Variants in PGR observed in about 807,000 individuals in gnomAD.
PGR encodes progesterone receptor, also known as nuclear receptor subfamily 3 group C member 3.
A neutral mutation model predicts 76.1 loss-of-function variants in PGR; 25 were observed. The ratio of observed to expected loss-of-function variants is 0.33; its 90% CI spans 0.24 to 0.46. PGR has a LOEUF of 0.46. Ranked by LOEUF, PGR falls within the 20% of genes least tolerant of loss-of-function variation. PGR has a pLI of 1.00. For missense variants in PGR, 1,172 were observed against 1,225.3 expected, an observed-to-expected ratio of 0.96 and a Z score of 0.65; for synonymous variants, 579 against 535.0, an observed-to-expected ratio of 1.08 and a Z score of -1.14.
intron 1 of PGR, 86 bp from the exon 2 acceptor site, chr11:101,126,244 G>T (rs755049769): frequency 1.6e-6 from 2 of 1,283,270 alleles, no homozygotes; most frequent in Non-Finnish European, 2.2e-6. Context: ...TATTAACAGG[G>T]TGAAAGGAGA....
rs1024003081 is a variant in PGR at position 101,037,673 on chromosome 11, G to A, written c.*1443C>T. On this transcript the variant is annotated 3_prime_UTR_variant, in exon 8 of 8. Coordinates refer to ENST00000325455, the MANE Select transcript of PGR (RefSeq NM_000926.4). ...TCAGTAAAGGGAGAGATCTCACAAA[G>A]TAGGAAGCAAAGGTGGAAAATTTAA... is the stretch of plus-strand genomic sequence containing the variant. 24 of 225,882 alleles carry A rather than the reference G, an allele frequency of 1.1e-4. 1 individual carries two copies. The highest frequency in any genetic ancestry group is 8.8e-6 in the Non-Finnish European group (1 of 113,524). 14.0% of individuals were successfully genotyped at this position (225,882 alleles called of 1,614,324 possible). A position where few individuals can be genotyped will look rare whatever the true frequency, so the allele number is the denominator to read the frequency against.
intron 3 of PGR, among the ~76,000 whole-genome samples, chr11:101,065,642 T>G (rs549889894): frequency 6.6e-6 from 1 of 152,220 alleles, no homozygotes; most frequent in East Asian, 1.9e-4. Flanking sequence ...CACCTGGTAT[T>G]TTGGGTAATC....
chr11:101,061,978 G>T lies in PGR; in HGVS notation c.2212+469C>A, dbSNP rs545432157. 2.0e-5 allele frequency among the ~76,000 whole-genome samples: 3 copies of T among 152,194 alleles called. No homozygotes were observed. In the South Asian group the frequency reaches 6.2e-4, roughly 32 times the overall value. ...TTATTTTTTAAAGTAATTTACGTTA[G>T]GGAATTTTGTTTTCTTAATTTACTT... is the stretch of plus-strand genomic sequence containing the variant. On this transcript the variant is annotated intron_variant, in intron 4 of 7. Coordinates refer to ENST00000325455, the MANE Select transcript of PGR (RefSeq NM_000926.4).
At chr11:101,081,476 G>T (rs1183801394) in intron 3 of PGR, among the ~76,000 whole-genome samples, 1 of 151,544 alleles carries the variant, frequency 6.6e-6, no homozygotes, top group Admixed American at 6.6e-5. Flanking sequence ...ATGTTCAAAG[G>T]CAATATTACA....
intron 2 of PGR, among the ~76,000 whole-genome samples, chr11:101,099,665 G>A (rs1347158394): frequency 6.6e-6 from 1 of 152,202 alleles, no homozygotes; most frequent in African/African-American, 2.4e-5. Flanking sequence ...TCACGGTCAT[G>A]TCCAGAGAGA....
intron 2 of PGR, among the ~76,000 whole-genome samples, chr11:101,111,627 C>T (rs1310485385): frequency 2.0e-5 from 3 of 152,154 alleles, no homozygotes; most frequent in African/African-American, 7.2e-5. Context: ...GGGCGAGGTG[C>T]AGAAATCATC....
At position 101,127,851 on chromosome 11, in the gene PGR, G is replaced by T; in HGVS notation, c.1220C>A (p.Ala407Asp). The T allele has an allele frequency of 6.3e-7, 1 of 1,591,906 alleles. No individual in the cohort carries two copies. ...SARSPRSYLV[A>D]GANPAAFPDF... is the part of the protein sequence containing the mutation. ...CGGGAAGGCTGCGGGGTTGGCACCG[G>T]CCACAAGGTAGGAACGCGGGGAGCG... The change falls in exon 1 of 8, where the codon GCC becomes GAC. Residue 407 changes from alanine (A) to aspartate (D), a missense_variant. By Grantham distance (126) the Ala-to-Asp change is moderately radical. Around this residue, in one of 4 missense-constraint regions of PGR, gnomAD observed 893 missense variants for 785.9 expected, o/e 1.14. Coordinates refer to ENST00000325455, the MANE Select transcript of PGR (RefSeq NM_000926.4).
At chr11:101,074,316 G>A (rs1861046284) in intron 3 of PGR, among the ~76,000 whole-genome samples, 1 of 152,208 alleles carries the variant, frequency 6.6e-6, no homozygotes, top group Non-Finnish European at 1.5e-5. Context: ...AGGTATTGAT[G>A]GACCGTATCT....
chr11:101,092,044 A>G (rs1338716328), intron 2 of PGR, among the ~76,000 whole-genome samples, 168 bp from the exon 3 acceptor site: 1 of 152,210 alleles, frequency 6.6e-6, no homozygotes, highest in Non-Finnish European at 1.5e-5. Context: ...ACTGCTCAGT[A>G]CTTTACCTGT....
intron 2 of PGR, among the ~76,000 whole-genome samples, chr11:101,101,787 A>T (rs906990927): frequency 1.3e-5 from 2 of 152,238 alleles, no homozygotes; most frequent in African/African-American, 4.8e-5. Context: ...AAAAATTAGT[A>T]TCTAATGGGT....
chr11:101,043,700 T>C (rs1291299004), intron 6 of PGR, among the ~76,000 whole-genome samples: 4 of 152,184 alleles, frequency 2.6e-5, no homozygotes, highest in Admixed American at 6.5e-5. Context: ...AGAATGAATG[T>C]TGTGTTAGCA....
rs368135251 is a variant in PGR, at chr11:101,032,665, C to CT, written c.*6450dup. 1 of 217,408 alleles carries CT rather than the reference C, an allele frequency of 4.6e-6. No homozygotes were observed. Among genetic ancestry groups the CT allele is most frequent in the Non-Finnish European group, 9.3e-6 (1 of 108,100 alleles). The allele number at this position is 217,408 out of a possible 1,614,324, so 13.5% of individuals were successfully genotyped here. On this transcript the variant is annotated 3_prime_UTR_variant, in exon 8 of 8. Transcript: ENST00000325455. The stretch of plus-strand genomic sequence containing the variant: ...CTTATAGATTGTGGCTTAGCTTTGA[C>CT]TTTTTTCAGGATGCCTCTGCTAACC...
chr11:101,068,663 A>G (rs1449429771), intron 3 of PGR, among the ~76,000 whole-genome samples: 1 of 152,152 alleles, frequency 6.6e-6, no homozygotes, highest in African/African-American at 2.4e-5. Flanking sequence ...CTGGTACCCA[A>G]ACAGATATAT....
At chr11:101,094,057 T>C (rs1322370508) in intron 2 of PGR, among the ~76,000 whole-genome samples, 2 of 152,182 alleles carry the variant, frequency 1.3e-5, no homozygotes, top group Non-Finnish European at 2.9e-5. Flanking sequence ...TTTCCTCCTT[T>C]CTCTCCTAAA....
In PGR at chr11:101,030,506, C is replaced by T. The variant is rs1859315450; in HGVS notation, c.*8610G>A. On this transcript the variant is annotated 3_prime_UTR_variant, in exon 8 of 8. Coordinates refer to ENST00000325455, the MANE Select transcript of PGR (RefSeq NM_000926.4). ...CTTGACAGAAAACCTCATATGAATA[C>T]CCAAACCACTTTGAAAGTATGTGCT... 4.3e-6 allele frequency: 1 copy of T among 231,024 alleles called. No individual in the cohort carries two copies. Among genetic ancestry groups the T allele is most frequent in the Admixed American group, 5.6e-5 (1 of 17,736 alleles). The allele number at this position is 231,024 out of a possible 1,614,324, so 14.3% of individuals were successfully genotyped here.
chr11:101,092,651 T>C (rs1263064402), intron 2 of PGR, among the ~76,000 whole-genome samples: 1 of 152,218 alleles, frequency 6.6e-6, no homozygotes, highest in Non-Finnish European at 1.5e-5. Flanking sequence ...TATTCAATAA[T>C]GATTTTTAAA....
chr11:101,091,301 G>T (rs903728003), intron 3 of PGR, among the ~76,000 whole-genome samples: 5 of 152,186 alleles, frequency 3.3e-5, no homozygotes, highest in African/African-American at 1.2e-4. Context: ...CAGTAATCTT[G>T]CTTTAATCAA....
chr11:101,055,505 A>G (rs942176490), intron 4 of PGR, among the ~76,000 whole-genome samples: 56 of 151,668 alleles, frequency 3.7e-4, no homozygotes, highest in Admixed American at 3.4e-3. Flanking sequence ...AGTGTTCACA[A>G]TAATCTCCAC....
At chr11:101,054,463 ATGC>A (rs1860219762) in intron 4 of PGR, among the ~76,000 whole-genome samples, 1 of 152,192 alleles carries the variant, frequency 6.6e-6, no homozygotes, top group African/African-American at 2.4e-5. Context: ...TAATACATAA[ATGC>A]TGCTTGTAAG....
Sources: allele counts gnomAD v4.1 joint callset (sites outside exome capture counted in the v4.1 genomes callset), GRCh38; gene constraint gnomAD v4.1.1; regional missense constraint gnomAD v4.1.1; transcripts MANE v1.5; gene names NCBI Gene and HGNC (gene_info 2026-07-23, HGNC 2026-07-21).